TRIM25: variants seen among roughly 807,000 people sequenced by gnomAD.
TRIM25 encodes E3 ubiquitin/ISG15 ligase TRIM25.
In TRIM25, 45 loss-of-function variants were observed where a neutral mutation model predicts 65.2. That is an observed-to-expected ratio of 0.69 (90% CI 0.54 to 0.89). The LOEUF is 0.89. Ranked by LOEUF, TRIM25 falls within the 40% of genes least tolerant of loss-of-function variation. The pLI, the probability that TRIM25 is intolerant of heterozygous loss-of-function variation, is 0.00. For missense variants in TRIM25, 714 were observed against 803.7 expected (o/e 0.89, Z 1.35); for synonymous variants, 321 against 340.4 (o/e 0.94, Z 0.63).
chr17:56,893,613 C>T (rs930689080), intron 8 of TRIM25, among the ~76,000 whole-genome samples: 11 of 152,390 alleles, frequency 7.2e-5, no homozygotes, highest in African/African-American at 2.6e-4. Context: ...GTGGGTACCA[C>T]TGGCAGGTGC....
chr17:56,904,543 G>A, intron 2 of TRIM25, 55 bp from the exon 3 acceptor site: 1 of 1,501,046 alleles, frequency 6.7e-7, no homozygotes, highest in Non-Finnish European at 9.2e-7. Flanking sequence ...TGCTAAGGCT[G>A]CAGCCCCAAG....
intron 3 of TRIM25, among the ~76,000 whole-genome samples, 163 bp downstream of exon 3, chr17:56,904,092 T>C (rs1909469065): frequency 6.6e-6 from 1 of 151,782 alleles, no homozygotes; most frequent in Non-Finnish European, 1.5e-5. Flanking sequence ...CCTACATTTG[T>C]GGTAAGTTGT....
chr17:56,898,166 G>A lies in TRIM25; in HGVS notation c.1153+949C>T, dbSNP rs1051468062. On this transcript the variant is annotated intron_variant, in intron 5 of 8. Coordinates refer to ENST00000316881, the MANE Select transcript of TRIM25 (RefSeq NM_005082.5). ...GTCAGCGGTATATGGGCATGTCAGC[G>A]GTATATGGACATCTCAGCGATATAT... is the stretch of plus-strand genomic sequence containing the variant. 2.0e-4 allele frequency among the ~76,000 whole-genome samples: 30 copies of A among 152,090 alleles called. 1 individual carries two copies. Among genetic ancestry groups the A allele is most frequent in the African/African-American group, 6.0e-4 (25 of 41,418 alleles).
intron 8 of TRIM25, among the ~76,000 whole-genome samples, chr17:56,893,564 CTATATT>C: frequency 6.6e-6 from 1 of 152,334 alleles, no homozygotes; most frequent in Admixed American, 6.5e-5. Context: ...AAAGGAAGGG[CTATATT>C]TTTCAGTGAT....
rs1909145943 is a variant in TRIM25 at position 56,890,516 on chromosome 17, C to G, written c.*1184G>C. ...TCTGCAGCCTGTGGCCAGGGATGAA[C>G]AGGAATGTTCCTGTTCCCCATGAGG... On this transcript the variant is annotated 3_prime_UTR_variant, in exon 9 of 9. Coordinates refer to ENST00000316881, the MANE Select transcript of TRIM25 (RefSeq NM_005082.5). The G allele has an allele frequency of 4.5e-6, 2 of 443,376 alleles. No individual in the cohort carries two copies. The highest frequency in any genetic ancestry group is 9.1e-6 in the Non-Finnish European group (2 of 220,454). The allele number at this position is 443,376 out of a possible 1,614,324, so 27.5% of individuals were successfully genotyped here. A position where few individuals can be genotyped will look rare whatever the true frequency, so the allele number is the denominator to read the frequency against.
Position 56,901,516 on chromosome 17 carries a change from G to A in TRIM25, c.990C>T (p.Asn330=). The part of the protein sequence containing the change: ...KPVYIPEVEL[N]HKLIKGIHQS... Reference sequence around the variant, plus strand: ...GGTGGATGCCTTTTATCAGCTTGTGGTTCAGTTCCACCTCGGGGATGTAGA... The same window carrying A: ...GGTGGATGCCTTTTATCAGCTTGTGATTCAGTTCCACCTCGGGGATGTAGA... Residue 330 remains asparagine (N), a synonymous_variant, in exon 4 of 9, where the codon AAC becomes AAT. Transcript: ENST00000316881. The A allele has an allele frequency of 6.2e-7, 1 of 1,614,112 alleles. No homozygotes were observed. The highest frequency in any genetic ancestry group is 8.5e-7 in the Non-Finnish European group (1 of 1,180,032).
chr17:56,892,112 C>T lies in TRIM25; in HGVS notation c.1481G>A (p.Arg494Lys). Residue 494 changes from arginine (R) to lysine (K), a missense_variant, in exon 9 of 9, where the codon AGG becomes AAG. Around this residue, in one of 3 missense-constraint regions of TRIM25, gnomAD observed 413 missense variants for 498.2 expected, o/e 0.83. Coordinates refer to ENST00000316881, the MANE Select transcript of TRIM25 (RefSeq NM_005082.5). ...CAGCACCTGAGAGCAGTATGTGAAC[C>T]TCTGGGGATGCGGCCGGTAGTTCTG... ...MPQNYRPHPQRFTYCSQVLGL... is the reference protein window; with the variant it reads ...MPQNYRPHPQKFTYCSQVLGL... The T allele has an allele frequency of 6.2e-7, 1 of 1,614,214 alleles. No individual in the cohort carries two copies.
At position 56,891,946 on chromosome 17, in the gene TRIM25, C is replaced by T; in HGVS notation, c.1647G>A (p.Trp549Ter). Residue 549 changes from tryptophan to a stop codon, truncating the protein, a stop_gained, in exon 9 of 9, where the codon TGG (tryptophan) becomes TGA (stop). Coordinates refer to ENST00000316881, the MANE Select transcript of TRIM25 (RefSeq NM_005082.5). LOFTEE classifies it high-confidence loss of function. ...ESRLGRNSAS[W>*]CVEWFNTKIS... ...TCTTGGTGTTGAACCACTCCACGCA[C>T]CAGGAGGCGCTGTTGCGGCCGAGCC... 6.2e-7 allele frequency: 1 copy of T among 1,614,204 alleles called. No individual in the cohort carries two copies. The highest frequency in any genetic ancestry group is 8.5e-7 in the Non-Finnish European group (1 of 1,180,036).
intron 1 of TRIM25, among the ~76,000 whole-genome samples, chr17:56,909,014 A>C (rs184751599): frequency 6.6e-6 from 1 of 152,236 alleles, no homozygotes; most frequent in Admixed American, 6.5e-5. Context: ...AAACTCAAGC[A>C]AGGAGGACAG....
chr17:56,900,719 G>A (rs1322275058), intron 4 of TRIM25, among the ~76,000 whole-genome samples: 1 of 152,192 alleles, frequency 6.6e-6, no homozygotes, highest in Non-Finnish European at 1.5e-5. Flanking sequence ...TGCACCAGAG[G>A]AGAGTGGGGG....
chr17:56,897,710 C>T (rs992046484), intron 5 of TRIM25, among the ~76,000 whole-genome samples: 2 of 152,168 alleles, frequency 1.3e-5, no homozygotes, highest in Non-Finnish European at 2.9e-5. Flanking sequence ...AGGACCTCAC[C>T]TCACTGGGGA....
At chr17:56,909,113 C>G (rs537051154) in intron 1 of TRIM25, among the ~76,000 whole-genome samples, 3 of 152,094 alleles carry the variant, frequency 2.0e-5, no homozygotes, top group African/African-American at 7.2e-5. Context: ...AATCCTCCCA[C>G]TGCAAACAGC....
In TRIM25 at chr17:56,892,026, A is replaced by C; in HGVS notation, c.1567T>G (p.Phe523Val). Residue 523 changes from phenylalanine to valine, a missense_variant, in exon 9 of 9, where the codon TTC becomes GTC. Phe to Val is a conservative substitution (Grantham distance 50). Around this residue, in one of 3 missense-constraint regions of TRIM25, gnomAD observed 413 missense variants for 498.2 expected, o/e 0.83. Coordinates refer to ENST00000316881, the MANE Select transcript of TRIM25 (RefSeq NM_005082.5). Reference sequence around the variant, plus strand: ...CCGTAGCAGATGCCTACCCCACAGAAGTTGTTCTTCTGCAGCTCCACCTCC... The same window carrying C: ...CCGTAGCAGATGCCTACCCCACAGACGTTGTTCTTCTGCAGCTCCACCTCC... ...YWEVELQKNN[F>V]CGVGICYGSM... The C allele has an allele frequency of 6.2e-7, 1 of 1,614,074 alleles. No homozygotes were observed. Among genetic ancestry groups the C allele is most frequent in the Non-Finnish European group, 8.5e-7 (1 of 1,180,006 alleles).
intron 4 of TRIM25, among the ~76,000 whole-genome samples, chr17:56,900,136 C>T (rs987027893): frequency 1.3e-5 from 2 of 152,182 alleles, no homozygotes; most frequent in Non-Finnish European, 2.9e-5. Context: ...AATGCTTGAA[C>T]CTGGGTGGCA....
At chr17:56,904,190 A>G (rs1213572818) in intron 3 of TRIM25, 65 bp downstream of exon 3, 3 of 1,417,560 alleles carry the variant, frequency 2.1e-6, no homozygotes, top group South Asian at 1.2e-5. Context: ...GGGCCCTATC[A>G]TCAACAGCAT....
intron 2 of TRIM25, among the ~76,000 whole-genome samples, 166 bp from the exon 3 acceptor site, chr17:56,904,654 G>A (rs1305014576): frequency 6.6e-6 from 1 of 152,174 alleles, no homozygotes; most frequent in African/African-American, 2.4e-5. Flanking sequence ...ATTTGGAGGT[G>A]CTCATAGGCT....
intron 8 of TRIM25, among the ~76,000 whole-genome samples, chr17:56,893,313 A>G (rs926986130): frequency 1.9e-4 from 29 of 150,986 alleles, no homozygotes; most frequent in Admixed American, 1.8e-3. Flanking sequence ...GGGGTGGAAA[A>G]GGCCCTAAGT....
chr17:56,892,508 TTCA>T (rs1306595978), intron 8 of TRIM25, among the ~76,000 whole-genome samples: 26 of 152,294 alleles, frequency 1.7e-4, no homozygotes, highest in African/African-American at 6.3e-4. Flanking sequence ...CATTCTTCCA[TTCA>T]TCCATCTATC....
At chr17:56,906,951 G>C (rs1041103896) in intron 2 of TRIM25, among the ~76,000 whole-genome samples, 12 of 152,236 alleles carry the variant, frequency 7.9e-5, no homozygotes, top group Admixed American at 6.5e-4. Flanking sequence ...CCTGCAGCTA[G>C]ACTAGGCGAT....
Sources: allele counts gnomAD v4.1 joint callset (sites outside exome capture counted in the v4.1 genomes callset), GRCh38; gene constraint gnomAD v4.1.1; regional missense constraint gnomAD v4.1.1; transcripts MANE v1.5; gene names NCBI Gene and HGNC (gene_info 2026-07-23, HGNC 2026-07-21).